The following MEGF8 variants were observed in gnomAD, a reference collection of about 807,000 sequenced individuals.
MEGF8 encodes the protein multiple EGF like domains 8, also known as multiple epidermal growth factor-like domains protein 8.
Under a neutral mutation model 302.9 loss-of-function variants are expected in MEGF8, and 156 were observed. The observed-to-expected ratio is 0.52, with a 90% confidence interval of 0.45 to 0.59. The LOEUF (loss-of-function observed/expected upper bound fraction) is 0.59. MEGF8 is among the 20% of genes least tolerant of loss of function. The pLI, the probability that MEGF8 is intolerant of heterozygous loss-of-function variation, is 0.00. For synonymous variants in MEGF8, 1,621 were observed against 1,660.5 expected (o/e 0.98, Z 0.58); for missense variants, 3,345 against 3,964.5 (o/e 0.84, Z 4.20).
chr19:42,357,609 C>T lies in MEGF8; in HGVS notation c.5011+25C>T. ...GGTGGGGCTGGGGACCGGGAGGGGA[C>T]AGCCCCCGTGGACCTCCCGGGCATC... On this transcript the variant is annotated intron_variant, in intron 28 of 41. Coordinates refer to ENST00000251268, the MANE Select transcript of MEGF8 (RefSeq NM_001271938.2). The surrounding 1 kb of genome is among the most constrained non-coding windows in gnomAD (Gnocchi z 5.2). The T allele has an allele frequency of 1.3e-6, 2 of 1,561,190 alleles. No homozygotes were observed. The highest frequency in any genetic ancestry group is 1.7e-6 in the Non-Finnish European group (2 of 1,154,952).
intron 13 of MEGF8, among the ~76,000 whole-genome samples, chr19:42,348,915 C>T (rs754960577): frequency 8.6e-5 from 13 of 152,002 alleles, no homozygotes; most frequent in Non-Finnish European, 1.8e-4. Flanking sequence ...ATGGATCTTT[C>T]GTAGAGGAGG....
Position 42,343,567 on chromosome 19 carries a change from G to A in MEGF8, c.1604G>A (p.Arg535Gln), listed in dbSNP as rs767049386. ...TTGGTGGCTGGGGGGTACAGCGGCC[G>A]GCCCCGTGGGGACTTGATGGCGTAC... is the stretch of plus-strand genomic sequence containing the variant. The part of the protein sequence containing the change: ...VLLVAGGYSG[R>Q]PRGDLMAYKV... The change falls in exon 9 of 42, where the codon CGG becomes CAG. Residue 535 changes from arginine to glutamine, a missense_variant. Transcript: ENST00000251268. 10 of 1,613,110 alleles carry A rather than the reference G, an allele frequency of 6.2e-6. No homozygotes were observed. The African/African-American group carries it at 9.3e-5, about 15-fold the overall frequency.
Position 42,352,570 on chromosome 19 carries a change from T to C in MEGF8, c.3350+114T>C, listed in dbSNP as rs1429709474. 2.2e-5 allele frequency: 30 copies of C among 1,363,442 alleles called. No homozygotes were observed. The highest frequency in any genetic ancestry group is 2.8e-5 in the Non-Finnish European group (28 of 1,016,758). The allele number at this position is 1,363,442 out of a possible 1,614,324, so 84.5% of individuals were successfully genotyped here. A position where few individuals can be genotyped will look rare whatever the true frequency, so the allele number is the denominator to read the frequency against. ...CCTCCTGTGGAACCAGCATCCCCAGTTAGCCAGGGGTTTTTACCTTGCACA... is the reference window on the plus strand; with the variant it reads ...CCTCCTGTGGAACCAGCATCCCCAGCTAGCCAGGGGTTTTTACCTTGCACA... On this transcript the variant is annotated intron_variant, in intron 19 of 41. Coordinates refer to ENST00000251268, the MANE Select transcript of MEGF8 (RefSeq NM_001271938.2). This position sits in a 1 kb window ranked among gnomAD's most constrained non-coding sequence, Gnocchi z 4.4.
intron 1 of MEGF8, among the ~76,000 whole-genome samples, chr19:42,332,884 C>T (rs940634852): frequency 2.0e-5 from 3 of 152,214 alleles, no homozygotes; most frequent in African/African-American, 7.2e-5. Context: ...GATTCCACCA[C>T]AGTACCACTA....
chr19:42,346,548 G>A (rs1301878582), intron 12 of MEGF8, among the ~76,000 whole-genome samples: 1 of 152,142 alleles, frequency 6.6e-6, no homozygotes, highest in African/African-American at 2.4e-5. Flanking sequence ...ATGGTGATGC[G>A]TGCCTGTAGT....
Position 42,363,128 on chromosome 19 carries a change from A to G in MEGF8, c.6139A>G (p.Met2047Val), listed in dbSNP as rs1213979956. The G allele has an allele frequency of 3.1e-6, 5 of 1,612,948 alleles. No individual in the cohort carries two copies. The highest frequency in any genetic ancestry group is 2.2e-5 in the East Asian group (1 of 44,872). The change falls in exon 35 of 42, where the codon ATG (methionine) becomes GTG (valine). Residue 2047 changes from methionine to valine, a missense_variant. By Grantham distance (21) the Met-to-Val change is conservative. Coordinates refer to ENST00000251268, the MANE Select transcript of MEGF8 (RefSeq NM_001271938.2). ...CCACTCTCTGCTGAATGTGTCCCCC[A>G]TGCCGGTGGAATCATCACCCCCACT... ...FSHSLLNVSP[M>V]PVESSPPLPC...
chr19:42,326,576 G>A (rs1013101221), intron 1 of MEGF8, 146 bp downstream of exon 1: 10 of 1,341,598 alleles, frequency 7.5e-6, no homozygotes, highest in Non-Finnish European at 9.7e-6. Flanking sequence ...AGCCAACCTG[G>A]GCCCTGCCCT....
rs540512909 is a variant in MEGF8, at chr19:42,353,517, C to T, written c.3603C>T (p.Asn1201=). ...GATGCCGGCCCGGCAGCTTCGGCAA[C>T]GCCACAGGCTCTAGGGGCTGCCGGC... ...CERCRPGSFG[N]ATGSRGCRPC... The change falls in exon 21 of 42, where the codon AAC becomes AAT. Residue 1201 remains asparagine, a synonymous_variant. Coordinates refer to ENST00000251268, the MANE Select transcript of MEGF8 (RefSeq NM_001271938.2). The surrounding 1 kb of genome is among the most constrained non-coding windows in gnomAD (Gnocchi z 6.1). 1.5e-4 allele frequency: 248 copies of T among 1,609,832 alleles called. 3 individuals are homozygous for T. The South Asian group carries it at 2.4e-3, about 15-fold the overall frequency.
intron 14 of MEGF8, among the ~76,000 whole-genome samples, 180 bp from the exon 15 acceptor site, chr19:42,349,968 T>C (rs889509603): frequency 6.6e-6 from 1 of 152,156 alleles, no homozygotes; most frequent in Admixed American, 6.5e-5. Context: ...CTCCATACTT[T>C]GACCTATAAT....
Position 42,353,708 on chromosome 19 carries a change from G to T in MEGF8, c.3761+33G>T. The T allele has an allele frequency of 6.4e-7, 1 of 1,574,636 alleles. No individual in the cohort carries two copies. Among genetic ancestry groups the T allele is most frequent in the Non-Finnish European group, 8.7e-7 (1 of 1,154,990 alleles). Reference sequence around the variant, plus strand: ...AACGGGCCAGCCAGGGCTGGGTAGGGTGTGCTTGGGGACACAGTGGGGAGG... The same window carrying T: ...AACGGGCCAGCCAGGGCTGGGTAGGTTGTGCTTGGGGACACAGTGGGGAGG... On this transcript the variant is annotated intron_variant, in intron 21 of 41. Transcript: ENST00000251268. This position sits in a 1 kb window ranked among gnomAD's most constrained non-coding sequence, Gnocchi z 6.1.
In MEGF8 at chr19:42,351,044, G is replaced by A. The variant is rs1257832794; in HGVS notation, c.2737-172G>A. The A allele has an allele frequency of 1.3e-5, 8 of 637,862 alleles. No homozygotes were observed. The highest frequency in any genetic ancestry group is 5.5e-5 in the African/African-American group (3 of 54,282). 39.5% of individuals were successfully genotyped at this position (637,862 alleles called of 1,614,324 possible). On this transcript the variant is annotated intron_variant, in intron 15 of 41. Coordinates refer to ENST00000251268, the MANE Select transcript of MEGF8 (RefSeq NM_001271938.2). The surrounding 1 kb of genome is among the most constrained non-coding windows in gnomAD (Gnocchi z 5.6). ...GGAGACAGTGGGTGCTGGGCGGGCCGACCCATGGGTGTCTGTGGTCGAAGG... is the reference window on the plus strand; with the variant it reads ...GGAGACAGTGGGTGCTGGGCGGGCCAACCCATGGGTGTCTGTGGTCGAAGG...
rs919070744 is a variant in MEGF8 at position 42,368,126 on chromosome 19, C to T, written c.6274-329C>T. 2.6e-5 allele frequency among the ~76,000 whole-genome samples: 4 copies of T among 152,122 alleles called. No individual in the cohort carries two copies. The highest frequency in any genetic ancestry group is 5.9e-5 in the Non-Finnish European group (4 of 68,024). On this transcript the variant is annotated intron_variant, in intron 35 of 41. Transcript: ENST00000251268. This position sits in a 1 kb window ranked among gnomAD's most constrained non-coding sequence, Gnocchi z 4.9. ...AGAGATGGTGTCTCACTGTGCTGCC[C>T]AGGCTGGTCTGGAACTCTTGGGCTC... is the stretch of plus-strand genomic sequence containing the variant.
intron 8 of MEGF8, among the ~76,000 whole-genome samples, chr19:42,339,512 C>T (rs1191724280): frequency 6.6e-6 from 1 of 152,120 alleles, no homozygotes; most frequent in African/African-American, 2.4e-5. Flanking sequence ...ACGTGTATGT[C>T]TTCTTTTGAA....
chr19:42,344,051 C>A lies in MEGF8; in HGVS notation c.1766C>A (p.Pro589His), dbSNP rs377009181. 9 of 1,613,522 alleles carry A rather than the reference C, an allele frequency of 5.6e-6. No homozygotes were observed. Among genetic ancestry groups the A allele is most frequent in the South Asian group, 5.5e-5 (5 of 91,092 alleles). The change falls in exon 10 of 42, where the codon CCT (proline) becomes CAT (histidine). Residue 589 changes from proline to histidine, a missense_variant. Physicochemically the swap from Pro to His is moderately conservative, Grantham distance 77 (BLOSUM62 -2). Coordinates refer to ENST00000251268, the MANE Select transcript of MEGF8 (RefSeq NM_001271938.2). This position sits in a 1 kb window ranked among gnomAD's most constrained non-coding sequence, Gnocchi z 4.5. The part of the protein sequence containing the change: ...WCQGACQAAP[P>H]PGTPLGACPA... Reference sequence around the variant, plus strand: ...CAAGGAGCCTGCCAAGCTGCACCCCCTCCTGGGACCCCCTTGGGGGCTGTG... The same window carrying A: ...CAAGGAGCCTGCCAAGCTGCACCCCATCCTGGGACCCCCTTGGGGGCTGTG...
At position 42,334,122 on chromosome 19, in the gene MEGF8, G is replaced by A. The variant is rs2039090720; in HGVS notation, c.467G>A (p.Gly156Asp). The A allele has an allele frequency of 1.2e-6, 2 of 1,612,656 alleles. No homozygotes were observed. The highest frequency in any genetic ancestry group is 3.3e-5 in the Admixed American group (2 of 59,976). ...AGCCACGGGCAGTGCCAGCCACCGGGTGTGTGTGCCTGCGAGCCGGGCTGG... is the reference window on the plus strand; with the variant it reads ...AGCCACGGGCAGTGCCAGCCACCGGATGTGTGTGCCTGCGAGCCGGGCTGG... ...CQSHGQCQPP[G>D]VCACEPGWGG... Residue 156 changes from glycine to aspartate, a missense_variant, in exon 3 of 42, where the codon GGT becomes GAT. Coordinates refer to ENST00000251268, the MANE Select transcript of MEGF8 (RefSeq NM_001271938.2).
In MEGF8 at chr19:42,356,691, G is replaced by A. The variant is rs1600056925; in HGVS notation, c.4623-83G>A. 16 of 1,386,942 alleles carry A rather than the reference G, an allele frequency of 1.2e-5. No individual in the cohort carries two copies. The East Asian group carries it at 3.8e-4, about 33-fold the overall frequency. The allele number at this position is 1,386,942 out of a possible 1,614,324, so 85.9% of individuals were successfully genotyped here. ...TCATAGGAAGGTCACCCCAGGGGATGCGGGGACATCTGTCAGGCAGGGTCA... is the reference window on the plus strand; with the variant it reads ...TCATAGGAAGGTCACCCCAGGGGATACGGGGACATCTGTCAGGCAGGGTCA... On this transcript the variant is annotated intron_variant, in intron 26 of 41. Transcript: ENST00000251268. This position sits in a 1 kb window ranked among gnomAD's most constrained non-coding sequence, Gnocchi z 5.2.
rs780664531 is a variant in MEGF8 at position 42,335,380 on chromosome 19, G to A, written c.823G>A (p.Ala275Thr). ...CTGGGAGTCTTGGGACCTGAGTCCT[G>A]CCCCGGTATGGACCCCTCCTCTGCC... is the stretch of plus-strand genomic sequence containing the variant. ...NTWESWDLSPAPAARHSHVAV... is the reference protein window; with the variant it reads ...NTWESWDLSPTPAARHSHVAV... Residue 275 changes from alanine (A) to threonine (T), a missense_variant, in exon 5 of 42, where the codon GCC becomes ACC. By Grantham distance (58) the Ala-to-Thr change is moderately conservative (BLOSUM62 0). Coordinates refer to ENST00000251268, the MANE Select transcript of MEGF8 (RefSeq NM_001271938.2). 1.2e-6 allele frequency: 2 copies of A among 1,613,908 alleles called. No individual in the cohort carries two copies. The highest frequency in any genetic ancestry group is 2.2e-5 in the South Asian group (2 of 91,078).
At chr19:42,370,551 G>T in intron 39 of MEGF8, 150 bp from the exon 40 acceptor site, 3 of 963,130 alleles carry the variant, frequency 3.1e-6, no homozygotes, top group Non-Finnish European at 4.6e-6. Flanking sequence ...AGGAGCTGGG[G>T]CCTGGACTCC....
Position 42,335,324 on chromosome 19 carries a change from A to T in MEGF8, c.767A>T (p.Asp256Val). 6.2e-7 allele frequency: 1 copy of T among 1,613,920 alleles called. No individual in the cohort carries two copies. Among genetic ancestry groups the T allele is most frequent in the Non-Finnish European group, 8.5e-7 (1 of 1,179,858 alleles). The change falls in exon 5 of 42, where the codon GAC becomes GTC. Residue 256 changes from aspartate to valine, a missense_variant. Asp to Val is a radical substitution (Grantham distance 152). Coordinates refer to ENST00000251268, the MANE Select transcript of MEGF8 (RefSeq NM_001271938.2). ...GGQDLNNALG[D>V]LVLYNFSANT... ...CAGGACCTCAACAATGCCCTGGGTG[A>T]CCTCGTCCTATACAACTTCTCCGCC...
Sources: gnomAD v4.1 joint callset for allele counts (sites outside exome capture counted in the v4.1 genomes callset) on GRCh38, gnomAD v4.1.1 for gene constraint, Gnocchi (gnomAD v3.1) non-coding constraint, MANE v1.5 for transcripts, NCBI Gene and HGNC (gene_info 2026-07-23, HGNC 2026-07-21) for gene names.